The following GRIA1 variants were observed in gnomAD, a reference collection of about 807,000 sequenced individuals.
The protein encoded by GRIA1 is glutamate ionotropic receptor AMPA type subunit 1.
A neutral mutation model predicts 99.2 loss-of-function variants in GRIA1; 31 were observed. The observed-to-expected ratio is 0.31, with a 90% CI of 0.23 to 0.42. The LOEUF is 0.42. Among genes scored for constraint, GRIA1 ranks in the 10% least tolerant of loss-of-function variants. The probability of loss-of-function intolerance (pLI) is 1.00; values close to 1 mark genes in which losing one functional copy is unlikely to be tolerated. For missense variants in GRIA1, 782 were observed against 1,157.5 expected, an observed-to-expected ratio of 0.68 and a Z score of 4.71; for synonymous variants, 438 against 432.4, an observed-to-expected ratio of 1.01 and a Z score of -0.16.
At chr5:153,794,421 T>A (rs1765506943) in intron 13 of GRIA1, among the ~76,000 whole-genome samples, 200 bp from the exon 14 acceptor site, 1 of 152,170 alleles carries the variant, frequency 6.6e-6, no homozygotes, top group Non-Finnish European at 1.5e-5. Context: ...CGCCTCTCCA[T>A]AATGGGAGTC....
At chr5:153,751,039 G>T (rs1762478104) in intron 11 of GRIA1, among the ~76,000 whole-genome samples, 1 of 152,192 alleles carries the variant, frequency 6.6e-6, no homozygotes, top group African/African-American at 2.4e-5. Flanking sequence ...GGCAGAGGTT[G>T]CAGTGAGCCG....
chr5:153,761,184 C>G (rs1166386117), intron 11 of GRIA1, among the ~76,000 whole-genome samples: 4 of 151,982 alleles, frequency 2.6e-5, no homozygotes, highest in Non-Finnish European at 5.9e-5. Flanking sequence ...TGGATTGCAT[C>G]AAACTAAAAA....
chr5:153,737,699 A>G (rs149728382), intron 11 of GRIA1, among the ~76,000 whole-genome samples: 1,684 of 152,280 alleles, frequency 0.011, 35 homozygotes, highest in South Asian at 0.056. Flanking sequence ...GTATTTTCAG[A>G]ATACAGTCAT....
intron 11 of GRIA1, among the ~76,000 whole-genome samples, chr5:153,745,262 C>G (rs187422086): frequency 2.7e-4 from 41 of 150,880 alleles, no homozygotes; most frequent in Admixed American, 2.5e-3. Flanking sequence ...CTCTTCCTGA[C>G]TGTATGCCTC....
chr5:153,659,612 G>T (rs1366383573), intron 5 of GRIA1, among the ~76,000 whole-genome samples: 1 of 152,194 alleles, frequency 6.6e-6, no homozygotes, highest in African/African-American at 2.4e-5. Flanking sequence ...CAGAGGACCT[G>T]TGGACCTCTG....
intron 2 of GRIA1, among the ~76,000 whole-genome samples, chr5:153,585,888 G>A (rs1388728777): frequency 1.3e-5 from 2 of 152,112 alleles, no homozygotes; most frequent in Non-Finnish European, 2.9e-5. Flanking sequence ...CTGTTTTAGT[G>A]TCATCCTACA....
At chr5:153,693,674 A>G (rs1361912006) in intron 8 of GRIA1, among the ~76,000 whole-genome samples, 1 of 152,214 alleles carries the variant, frequency 6.6e-6, no homozygotes. Context: ...GAGATCAAAA[A>G]TTATAACTGG....
At chr5:153,734,098 G>A (rs1219811167) in intron 11 of GRIA1, among the ~76,000 whole-genome samples, 1 of 152,148 alleles carries the variant, frequency 6.6e-6, no homozygotes, top group Non-Finnish European at 1.5e-5. Flanking sequence ...AGGATATGAT[G>A]CCTATGCATT....
intron 2 of GRIA1, among the ~76,000 whole-genome samples, chr5:153,564,020 A>G (rs1761394616): frequency 6.6e-6 from 1 of 152,224 alleles, no homozygotes; most frequent in Non-Finnish European, 1.5e-5. Flanking sequence ...GATATGTTGT[A>G]TAAATCATAA....
At chr5:153,735,293 C>T (rs1761306074) in intron 11 of GRIA1, among the ~76,000 whole-genome samples, 1 of 152,206 alleles carries the variant, frequency 6.6e-6, no homozygotes, top group African/African-American at 2.4e-5. Context: ...GTCAGCAAGA[C>T]TCCTGTCTCA....
chr5:153,810,913 G>T (rs1448952180), intron 15 of GRIA1, 112 bp from the exon 16 acceptor site: 2 of 760,852 alleles, frequency 2.6e-6, no homozygotes, highest in Non-Finnish European at 4.7e-6. Context: ...AATAGGAAAG[G>T]GGGTGGATGG....
At chr5:153,576,051 G>C (rs12515561) in intron 2 of GRIA1, among the ~76,000 whole-genome samples, 21,414 of 152,184 alleles carry the variant, frequency 0.14, 1,700 homozygotes, top group South Asian at 0.27. Flanking sequence ...TGAATACCTA[G>C]TTTTTATTTC....
At chr5:153,511,947 T>C (rs1756120110) in intron 2 of GRIA1, among the ~76,000 whole-genome samples, 1 of 152,262 alleles carries the variant, frequency 6.6e-6, no homozygotes, top group Non-Finnish European at 1.5e-5. Context: ...CCTGCAGATG[T>C]CTACCCTGAA....
chr5:153,518,581 G>A (rs1756841296), intron 2 of GRIA1, among the ~76,000 whole-genome samples: 1 of 152,148 alleles, frequency 6.6e-6, no homozygotes, highest in Non-Finnish European at 1.5e-5. Flanking sequence ...AAAGCCAGTA[G>A]TTTCAGGATT....
At chr5:153,552,442 C>A (rs1029913976) in intron 2 of GRIA1, among the ~76,000 whole-genome samples, 2 of 152,018 alleles carry the variant, frequency 1.3e-5, no homozygotes, top group African/African-American at 4.8e-5. Flanking sequence ...CTCTTTTTGG[C>A]AAGTTCACAG....
chr5:153,613,445 T>TAC (rs141617729), intron 2 of GRIA1, among the ~76,000 whole-genome samples: 235 of 152,334 alleles, frequency 1.5e-3, no homozygotes, highest in African/African-American at 5.2e-3. Flanking sequence ...CATGCACATC[T>TAC]ACACACACAT....
intron 2 of GRIA1, among the ~76,000 whole-genome samples, chr5:153,579,976 A>T (rs2149374048): frequency 6.6e-6 from 1 of 152,286 alleles, no homozygotes; most frequent in East Asian, 1.9e-4. Context: ...AAAATATTTG[A>T]TCCATGTAGC....
intron 2 of GRIA1, among the ~76,000 whole-genome samples, chr5:153,570,955 A>T (rs981969522): frequency 6.6e-6 from 1 of 152,160 alleles, no homozygotes; most frequent in Non-Finnish European, 1.5e-5. Context: ...GATTACTAAT[A>T]TCAAAAGTCC....
At chr5:153,762,537 T>A (rs1047477002) in intron 11 of GRIA1, among the ~76,000 whole-genome samples, 2 of 152,212 alleles carry the variant, frequency 1.3e-5, no homozygotes, top group African/African-American at 4.8e-5. Flanking sequence ...TTTGTAACTA[T>A]CTTGCTTGAC....
Sources: gnomAD v4.1 joint callset for allele counts (sites outside exome capture counted in the v4.1 genomes callset) on GRCh38, gnomAD v4.1.1 for gene constraint, MANE v1.5 for transcripts, NCBI Gene and HGNC (gene_info 2026-07-23, HGNC 2026-07-21) for gene names.